Variants in SMAD6 observed in about 807,000 individuals in gnomAD.
SMAD6 encodes the protein SMAD family member 6.
A neutral mutation model predicts 39.4 loss-of-function variants in SMAD6; 103 were observed. The ratio of observed to expected loss-of-function variants is 2.62; its 90% CI spans 2.23 to 3.08. The LOEUF (loss-of-function observed/expected upper bound fraction) is 3.08, where lower values mean the gene tolerates loss of function less well. SMAD6 is among the 30% of genes most tolerant of loss of function. SMAD6 has a pLI of 0.00. For synonymous variants in SMAD6, 445 were observed against 353.3 expected (o/e 1.26, Z -2.91); for missense variants, 1,104 against 742.9 (o/e 1.49, Z -5.65).
intron 3 of SMAD6, among the ~76,000 whole-genome samples, chr15:66,761,128 C>G (rs1214951366): frequency 2.0e-5 from 3 of 152,116 alleles, no homozygotes; most frequent in African/African-American, 7.2e-5. Context: ...GTCTGGATTG[C>G]CACGAGGTCC....
chr15:66,780,366 C>T (rs184594817), intron 3 of SMAD6, among the ~76,000 whole-genome samples: 1 of 152,238 alleles, frequency 6.6e-6, no homozygotes, highest in East Asian at 1.9e-4. Flanking sequence ...GGCAACTCCT[C>T]CCACCCCCAG....
At chr15:66,723,294 T>G (rs1893466810) in intron 3 of SMAD6, among the ~76,000 whole-genome samples, 1 of 152,198 alleles carries the variant, frequency 6.6e-6, no homozygotes, top group Admixed American at 6.5e-5. Context: ...AACAGAGCTT[T>G]TAGACTCCCC....
At chr15:66,733,442 A>G (rs1045519407) in intron 3 of SMAD6, among the ~76,000 whole-genome samples, 2 of 152,136 alleles carry the variant, frequency 1.3e-5, no homozygotes, top group African/African-American at 4.8e-5. Flanking sequence ...ATATCTCTCC[A>G]TATATTTAGG....
At chr15:66,753,008 G>GTGCT (rs1425562438) in intron 3 of SMAD6, among the ~76,000 whole-genome samples, 1 of 152,166 alleles carries the variant, frequency 6.6e-6, no homozygotes, top group Non-Finnish European at 1.5e-5. Flanking sequence ...TGCTTTCAGT[G>GTGCT]TGCTGTCTTA....
intron 3 of SMAD6, among the ~76,000 whole-genome samples, chr15:66,726,959 C>T (rs1258771284): frequency 6.6e-6 from 1 of 152,084 alleles, no homozygotes; most frequent in Non-Finnish European, 1.5e-5. Flanking sequence ...ATCGCAGAGC[C>T]CCCAGACTGT....
Position 66,703,208 on chromosome 15 carries a change from C to G in SMAD6, c.-51C>G. ...GGCGCCTCGCTGAGGGAACGGACCC[C>G]CGGTAACCGGAGACCGCCTCCCCCC... On this transcript the variant is annotated 5_prime_UTR_variant, in exon 1 of 4. Coordinates refer to ENST00000288840, the MANE Select transcript of SMAD6 (RefSeq NM_005585.5). 2 of 1,296,470 alleles carry G rather than the reference C, an allele frequency of 1.5e-6. No individual in the cohort carries two copies. The highest frequency in any genetic ancestry group is 2.0e-6 in the Non-Finnish European group (2 of 1,002,374). 80.3% of individuals were successfully genotyped at this position (1,296,470 alleles called of 1,614,324 possible).
intron 3 of SMAD6, among the ~76,000 whole-genome samples, chr15:66,742,986 T>A (rs1893842297): frequency 6.6e-6 from 1 of 152,144 alleles, no homozygotes; most frequent in African/African-American, 2.4e-5. Flanking sequence ...GTGGTGGTGG[T>A]CCGTGCCCTG....
intron 3 of SMAD6, among the ~76,000 whole-genome samples, chr15:66,729,250 C>G (rs1262589409): frequency 1.3e-5 from 2 of 152,172 alleles, no homozygotes; most frequent in East Asian, 3.8e-4. Flanking sequence ...CTCCCTGCAT[C>G]CCCCGGCACC....
intron 3 of SMAD6, among the ~76,000 whole-genome samples, chr15:66,721,895 GCTGGGGAAGGCTT>G (rs1377291226): frequency 6.6e-6 from 1 of 152,214 alleles, no homozygotes; most frequent in East Asian, 1.9e-4. Flanking sequence ...TAGGGAGGTA[GCTGGGGAAGGCTT>G]CCTGGAAGAG....
At chr15:66,713,618 G>A (rs563365052) in intron 2 of SMAD6, among the ~76,000 whole-genome samples, 8 of 152,298 alleles carry the variant, frequency 5.3e-5, no homozygotes, top group Admixed American at 3.9e-4. Flanking sequence ...GCGCCTGGCT[G>A]GGCAAGTCAC....
chr15:66,773,750 G>A (rs1284524205), intron 3 of SMAD6, among the ~76,000 whole-genome samples: 1 of 152,180 alleles, frequency 6.6e-6, no homozygotes, highest in Non-Finnish European at 1.5e-5. Flanking sequence ...GATTGGAAAA[G>A]CCAGCCCTGG....
intron 3 of SMAD6, among the ~76,000 whole-genome samples, chr15:66,731,952 T>C (rs1567101384): frequency 6.6e-6 from 1 of 151,516 alleles, no homozygotes; most frequent in African/African-American, 2.4e-5. Flanking sequence ...ACTTTTTTTT[T>C]TTTTTTTTTG....
rs559461299 is a variant in SMAD6, at chr15:66,774,985, C to T, written c.953-6012C>T. ...CTAGCGATTCTCTGCCTCAGCCTCC[C>T]GAATAGTTGGGATTAAGGCGCCCGC... On this transcript the variant is annotated intron_variant, in intron 3 of 3. Coordinates refer to ENST00000288840, the MANE Select transcript of SMAD6 (RefSeq NM_005585.5). 4.6e-5 allele frequency among the ~76,000 whole-genome samples: 7 copies of T among 152,086 alleles called. No individual in the cohort carries two copies. In the South Asian group the frequency reaches 8.3e-4, roughly 18 times the overall value.
intron 3 of SMAD6, among the ~76,000 whole-genome samples, chr15:66,735,788 C>T (rs1893702640): frequency 6.6e-6 from 1 of 152,042 alleles, no homozygotes; most frequent in African/African-American, 2.4e-5. Flanking sequence ...CAAGCAGGCA[C>T]GTGTGCATGC....
At chr15:66,729,515 C>T (rs548059948) in intron 3 of SMAD6, among the ~76,000 whole-genome samples, 4 of 152,144 alleles carry the variant, frequency 2.6e-5, no homozygotes, top group African/African-American at 9.7e-5. Flanking sequence ...GACACACAGA[C>T]GGGCAGTGTC....
chr15:66,763,978 C>G (rs1215539935), intron 3 of SMAD6, among the ~76,000 whole-genome samples: 1 of 152,264 alleles, frequency 6.6e-6, no homozygotes, highest in African/African-American at 2.4e-5. Flanking sequence ...GGCTGAGGCG[C>G]CTCGGCCATC....
intron 3 of SMAD6, among the ~76,000 whole-genome samples, chr15:66,729,609 G>A (rs1008101526): frequency 6.6e-6 from 1 of 152,152 alleles, no homozygotes; most frequent in Non-Finnish European, 1.5e-5. Flanking sequence ...AGGGGGCGCC[G>A]GGCCCCTCTG....
In SMAD6 at chr15:66,711,837, G is replaced by A. The variant is rs926019180; in HGVS notation, c.874+113G>A. The A allele has an allele frequency of 4.0e-4, 344 of 866,332 alleles. 2 individuals are homozygous for A. The highest frequency in any genetic ancestry group is 4.7e-4 in the Admixed American group (25 of 53,156). 53.7% of individuals were successfully genotyped at this position (866,332 alleles called of 1,614,324 possible). On this transcript the variant is annotated intron_variant, in intron 2 of 3. Transcript: ENST00000288840. ...AGGGCTGGAGGGCTGGAGGGGAGGGGTGAAAGCCGGACTGGTTGCTGTGAA... is the reference window on the plus strand; with the variant it reads ...AGGGCTGGAGGGCTGGAGGGGAGGGATGAAAGCCGGACTGGTTGCTGTGAA...
chr15:66,773,226 T>A (rs906767781), intron 3 of SMAD6, among the ~76,000 whole-genome samples: 1 of 9,742 alleles, frequency 1.0e-4, no homozygotes, highest in Non-Finnish European at 2.1e-4. Flanking sequence ...TGGGGAGGGG[T>A]GGGTGGGAGC....
Sources: gnomAD v4.1 joint callset for allele counts (sites outside exome capture counted in the v4.1 genomes callset) on GRCh38, gnomAD v4.1.1 for gene constraint, MANE v1.5 for transcripts, NCBI Gene and HGNC (gene_info 2026-07-23, HGNC 2026-07-21) for gene names.